The following HABP4 variants were observed in gnomAD, a reference collection of about 807,000 sequenced individuals.
The protein encoded by HABP4 is hyaluronan binding protein 4, also known as intracellular hyaluronan-binding protein 4.
A neutral mutation model predicts 44.1 loss-of-function variants in HABP4; 32 were observed. The ratio of observed to expected loss-of-function variants is 0.73; its 90% confidence interval spans 0.55 to 0.97. The LOEUF (loss-of-function observed/expected upper bound fraction) is 0.97, where lower values mean the gene tolerates loss of function less well. Ranked by LOEUF, HABP4 falls within the 50% of genes least tolerant of loss-of-function variation. The pLI is 0.00. For missense variants in HABP4, 503 were observed against 561.9 expected (o/e 0.90, Z 1.06); for synonymous variants, 216 against 218.0 (o/e 0.99, Z 0.08).
chr9:96,472,519 C>T (rs985122804), intron 5 of HABP4, among the ~76,000 whole-genome samples: 4 of 152,288 alleles, frequency 2.6e-5, no homozygotes, highest in South Asian at 2.1e-4. Flanking sequence ...TACACCTGCA[C>T]GCCTCCTGGG....
At chr9:96,458,146 T>C (rs2131119142) in intron 1 of HABP4, among the ~76,000 whole-genome samples, 1 of 152,352 alleles carries the variant, frequency 6.6e-6, no homozygotes, top group East Asian at 1.9e-4. Context: ...TAGTTGGTCA[T>C]ATACTTTCTA....
In HABP4 at chr9:96,469,436, AAT is replaced by A. The variant is rs562160645; in HGVS notation, c.744-1573_744-1572del. 2.6e-5 allele frequency among the ~76,000 whole-genome samples: 4 copies of A among 152,362 alleles called. No homozygotes were observed. The South Asian group carries it at 8.3e-4, about 32-fold the overall frequency. ...TCATTTTATGGAACATATGTGCACA[AAT>A]AGGCATTTTCTGCACTAGTACAAAT... On this transcript the variant is annotated intron_variant, in intron 4 of 7. Transcript: ENST00000375249.
intron 5 of HABP4, among the ~76,000 whole-genome samples, chr9:96,475,602 G>T (rs1832774419): frequency 6.6e-6 from 1 of 152,142 alleles, no homozygotes; most frequent in Admixed American, 6.5e-5. Context: ...GAACCAGGCA[G>T]ATGCATAGGC....
intron 2 of HABP4, 45 bp downstream of exon 2, chr9:96,458,586 G>A: frequency 7.6e-7 from 1 of 1,314,082 alleles, no homozygotes; most frequent in East Asian, 2.4e-5. Flanking sequence ...AACCAGAAAG[G>A]TTTTGAGAAA....
At chr9:96,482,201 G>A (rs973427586) in intron 5 of HABP4, among the ~76,000 whole-genome samples, 1 of 152,156 alleles carries the variant, frequency 6.6e-6, no homozygotes, top group African/African-American at 2.4e-5. Context: ...GCCTCCCAAA[G>A]TGCTAGGATT....
At chr9:96,489,899 G>T in intron 7 of HABP4, 83 bp from the exon 8 acceptor site, 1 of 870,128 alleles carries the variant, frequency 1.1e-6, no homozygotes, top group Non-Finnish European at 2.0e-6. Context: ...CTCAGCGTTG[G>T]TGCCAGGCCC....
At chr9:96,458,017 T>A (rs1832427853) in intron 1 of HABP4, among the ~76,000 whole-genome samples, 1 of 152,254 alleles carries the variant, frequency 6.6e-6, no homozygotes, top group Non-Finnish European at 1.5e-5. Flanking sequence ...TTTCATTTTC[T>A]AGGTACGGCT....
chr9:96,482,029 G>A (rs541850678), intron 5 of HABP4, among the ~76,000 whole-genome samples: 7 of 151,070 alleles, frequency 4.6e-5, no homozygotes, highest in South Asian at 2.1e-4. Flanking sequence ...TCCACCTCCC[G>A]GGTTCAAGCG....
At chr9:96,476,235 T>C (rs1264416259) in intron 5 of HABP4, among the ~76,000 whole-genome samples, 1 of 152,214 alleles carries the variant, frequency 6.6e-6, no homozygotes, top group Non-Finnish European at 1.5e-5. Flanking sequence ...TCGATATTCT[T>C]ATCTGTAAAA....
chr9:96,467,751 C>G (rs1402356490), intron 4 of HABP4, among the ~76,000 whole-genome samples: 1 of 152,074 alleles, frequency 6.6e-6, no homozygotes, highest in Admixed American at 6.5e-5. Context: ...GTCTCGAACT[C>G]CTGACCTCAG....
intron 5 of HABP4, among the ~76,000 whole-genome samples, chr9:96,479,994 C>A (rs1267134063): frequency 1.3e-5 from 2 of 151,826 alleles, no homozygotes; most frequent in African/African-American, 4.8e-5. Context: ...GTGAGACCCT[C>A]CCCCACCCAG....
intron 5 of HABP4, among the ~76,000 whole-genome samples, chr9:96,475,414 AAAG>A (rs1179905084): frequency 6.8e-6 from 1 of 147,090 alleles, no homozygotes; most frequent in Non-Finnish European, 1.5e-5. Flanking sequence ...AAAAGAAGAA[AAAG>A]AATAACATTT....
chr9:96,480,008 C>T (rs544050281), intron 5 of HABP4, among the ~76,000 whole-genome samples: 1 of 152,054 alleles, frequency 6.6e-6, no homozygotes, highest in Admixed American at 6.5e-5. Flanking sequence ...CACCCAGTCT[C>T]TACAAAAAAT....
At chr9:96,475,293 G>A (rs767020590) in intron 5 of HABP4, among the ~76,000 whole-genome samples, 241 of 150,744 alleles carry the variant, frequency 1.6e-3, no homozygotes, top group Non-Finnish European at 3.0e-3. Flanking sequence ...GGAGAATGGT[G>A]TGAACCCAGG....
chr9:96,459,761 A>G (rs546924279), intron 2 of HABP4, among the ~76,000 whole-genome samples: 3 of 152,296 alleles, frequency 2.0e-5, no homozygotes, highest in East Asian at 1.9e-4. Context: ...AAACAAAACA[A>G]AAGTCCAGCA....
chr9:96,489,445 C>T (rs758475905), intron 7 of HABP4, among the ~76,000 whole-genome samples: 10 of 151,644 alleles, frequency 6.6e-5, no homozygotes, highest in Non-Finnish European at 1.3e-4. Context: ...ACACTGTTTC[C>T]CAATCCAAGT....
At chr9:96,485,380 T>C (rs1297260210) in intron 6 of HABP4, among the ~76,000 whole-genome samples, 1 of 152,180 alleles carries the variant, frequency 6.6e-6, no homozygotes, top group African/African-American at 2.4e-5. Context: ...AAACTGTGGT[T>C]GAGGTTCCAT....
At chr9:96,467,349 AAGAAG>A (rs969502718) in intron 4 of HABP4, among the ~76,000 whole-genome samples, 1 of 152,208 alleles carries the variant, frequency 6.6e-6, no homozygotes, top group African/African-American at 2.4e-5. Flanking sequence ...TCTCCTTGAA[AAGAAG>A]AGAAACTTGT....
At chr9:96,485,787 G>A (rs7848376) in intron 6 of HABP4, among the ~76,000 whole-genome samples, 35,254 of 151,948 alleles carry the variant, frequency 0.23, 5,093 homozygotes, top group African/African-American at 0.41. Context: ...CGAGGTGGGA[G>A]TGAGCAGGTA....
Sources: allele counts gnomAD v4.1 joint callset (sites outside exome capture counted in the v4.1 genomes callset), GRCh38; gene constraint gnomAD v4.1.1; transcripts MANE v1.5; gene names NCBI Gene and HGNC (gene_info 2026-07-23, HGNC 2026-07-21).